Variants in CTNNA3 observed in about 807,000 individuals in gnomAD.
CTNNA3 encodes catenin alpha 3, also known as catenin alpha-3.
Under a neutral mutation model 95.7 loss-of-function variants are expected in CTNNA3, and 76 were observed. That is an observed-to-expected ratio of 0.79 (90% CI 0.66 to 0.96). The LOEUF is 0.96. Ranked by LOEUF, CTNNA3 falls within the 40% of genes least tolerant of loss-of-function variation. The pLI, the probability that CTNNA3 is intolerant of heterozygous loss-of-function variation, is 0.00. For synonymous variants in CTNNA3, 431 were observed against 374.4 expected (o/e 1.15, Z -1.74); for missense variants, 1,191 against 1,089.8 (o/e 1.09, Z -1.31).
chr10:66,888,873 C>T (rs1191250418), intron 7 of CTNNA3, among the ~76,000 whole-genome samples: 1 of 152,172 alleles, frequency 6.6e-6, no homozygotes, highest in Admixed American at 6.5e-5. Flanking sequence ...TTGGTATTTG[C>T]CCCAAAGGAG....
intron 13 of CTNNA3, among the ~76,000 whole-genome samples, chr10:66,119,243 C>T (rs1448902045): frequency 1.3e-5 from 2 of 152,134 alleles, no homozygotes; most frequent in Admixed American, 6.6e-5. Flanking sequence ...GTAACATTGC[C>T]CAAGTTCTGT....
intron 10 of CTNNA3, among the ~76,000 whole-genome samples, chr10:66,522,736 G>A (rs1038567604): frequency 2.7e-5 from 4 of 148,270 alleles, no homozygotes; most frequent in Non-Finnish European, 6.0e-5. Context: ...TGATGTCTCT[G>A]ATTTTTAACC....
intron 5 of CTNNA3, among the ~76,000 whole-genome samples, chr10:67,490,772 G>A (rs1016597721): frequency 6.6e-6 from 1 of 152,250 alleles, no homozygotes; most frequent in East Asian, 1.9e-4. Context: ...GGCTCTAAGA[G>A]GTGGTCTTAG....
intron 5 of CTNNA3, among the ~76,000 whole-genome samples, chr10:67,220,660 T>C (rs1048490090): frequency 2.6e-5 from 4 of 152,140 alleles, no homozygotes; most frequent in African/African-American, 9.7e-5. Context: ...TCTTCAGAGA[T>C]GACAATTTGC....
chr10:65,932,263 G>A (rs1407641638), intron 17 of CTNNA3, among the ~76,000 whole-genome samples: 4 of 152,146 alleles, frequency 2.6e-5, no homozygotes, highest in Non-Finnish European at 5.9e-5. Flanking sequence ...AGCAGAATGG[G>A]ATGTATATAT....
rs550871711 is a variant in CTNNA3, at chr10:67,692,505, G to A, written c.-6+3495C>T. ...CAGGGTTGAATGGATTAAGGGCGGT[G>A]CAAGATGTGCTTTGTTAAACAGATG... On this transcript the variant is annotated intron_variant, in intron 1 of 17. Transcript: ENST00000433211. Among the ~76,000 whole-genome samples, 10 of 136,556 alleles carry A rather than the reference G, an allele frequency of 7.3e-5. No homozygotes were observed. In the South Asian group the frequency reaches 2.6e-3, roughly 36 times the overall value. The allele number at this position is 136,556 out of a possible 152,430, so 89.6% of individuals were successfully genotyped here. A position where few individuals can be genotyped will look rare whatever the true frequency, so the allele number is the denominator to read the frequency against.
intron 13 of CTNNA3, among the ~76,000 whole-genome samples, chr10:66,262,187 C>T (rs1205160488): frequency 6.6e-6 from 1 of 151,990 alleles, no homozygotes. Flanking sequence ...TAACTCACTT[C>T]ACTTCTGAAG....
At chr10:66,879,152 C>T (rs1844747691) in intron 7 of CTNNA3, among the ~76,000 whole-genome samples, 1 of 152,090 alleles carries the variant, frequency 6.6e-6, no homozygotes. Flanking sequence ...AACTGTCTGG[C>T]TCCAAAGGCT....
At chr10:67,608,718 TAAG>T (rs1843357281) in intron 2 of CTNNA3, among the ~76,000 whole-genome samples, 1 of 152,104 alleles carries the variant, frequency 6.6e-6, no homozygotes, top group African/African-American at 2.4e-5. Context: ...AAACTCATAA[TAAG>T]AACATTATTT....
chr10:66,775,683 A>T (rs1840267681), intron 7 of CTNNA3, among the ~76,000 whole-genome samples, 159 bp from the exon 8 acceptor site: 1 of 152,238 alleles, frequency 6.6e-6, no homozygotes, highest in Non-Finnish European at 1.5e-5. Context: ...ACTTAAGACT[A>T]AGTAGAATGG....
chr10:66,812,258 T>C (rs188777656), intron 7 of CTNNA3, among the ~76,000 whole-genome samples: 40 of 152,256 alleles, frequency 2.6e-4, no homozygotes, highest in Admixed American at 1.7e-3. Flanking sequence ...GGGAGTCAGA[T>C]TGTAGTTCTG....
At chr10:66,388,992 C>G (rs2092914928) in intron 11 of CTNNA3, among the ~76,000 whole-genome samples, 1 of 152,146 alleles carries the variant, frequency 6.6e-6, no homozygotes, top group African/African-American at 2.4e-5. Context: ...GATTATTTCT[C>G]TGCTATTTAT....
intron 10 of CTNNA3, among the ~76,000 whole-genome samples, chr10:66,551,755 T>A (rs1261516670): frequency 6.6e-6 from 1 of 152,112 alleles, no homozygotes; most frequent in African/African-American, 2.4e-5. Context: ...TTTTACCTTC[T>A]GAGAATGATA....
rs1274109672 is a variant in CTNNA3 at position 67,566,043 on chromosome 10, G to GTGTATATATATATATATA, written c.293-26375_293-26374insTATATATATATATATACA. ...CACACACACACACATATGTGTGTGT[G>GTGTATATATATATATATA]TATATATATATATATATATATATAT... is the stretch of plus-strand genomic sequence containing the variant. On this transcript the variant is annotated intron_variant, in intron 3 of 17. Transcript: ENST00000433211. 8.2e-4 allele frequency among the ~76,000 whole-genome samples: 22 copies of GTGTATATATATATATATA among 26,966 alleles called. 1 individual carries two copies. The highest frequency in any genetic ancestry group is 2.0e-3 in the African/African-American group (12 of 6,054). The allele number at this position is 26,966 out of a possible 152,430, so 17.7% of individuals were successfully genotyped here.
chr10:67,155,524 A>AAT (rs940510750), intron 7 of CTNNA3, among the ~76,000 whole-genome samples: 1 of 91,368 alleles, frequency 1.1e-5, no homozygotes, highest in Non-Finnish European at 2.0e-5. Flanking sequence ...TGTTTGTATT[A>AAT]ATATATGTGT....
At chr10:66,189,702 GT>G (rs1047335458) in intron 13 of CTNNA3, among the ~76,000 whole-genome samples, 11 of 148,976 alleles carry the variant, frequency 7.4e-5, no homozygotes, top group African/African-American at 2.2e-4. Context: ...AAATTACATA[GT>G]AGGAAAAATA....
intron 5 of CTNNA3, among the ~76,000 whole-genome samples, chr10:67,293,200 T>G (rs1213012978): frequency 6.6e-6 from 1 of 152,188 alleles, no homozygotes; most frequent in African/African-American, 2.4e-5. Flanking sequence ...ATTAGACTTT[T>G]CAACCTAATG....
At chr10:66,896,694 G>A (rs1344202) in intron 7 of CTNNA3, among the ~76,000 whole-genome samples, 1 of 152,092 alleles carries the variant, frequency 6.6e-6, no homozygotes, top group Non-Finnish European at 1.5e-5. Context: ...CACCAGTCAC[G>A]GCCTTCCTCA....
intron 1 of CTNNA3, among the ~76,000 whole-genome samples, chr10:67,703,362 T>C (rs1841056774): frequency 6.6e-6 from 1 of 152,102 alleles, no homozygotes; most frequent in African/African-American, 2.4e-5. Context: ...TGAACATTGA[T>C]GCAAAAATCC....
Sources: gnomAD v4.1 joint callset for allele counts (sites outside exome capture counted in the v4.1 genomes callset) on GRCh38, gnomAD v4.1.1 for gene constraint, MANE v1.5 for transcripts, NCBI Gene and HGNC (gene_info 2026-07-23, HGNC 2026-07-21) for gene names.